Variants in FAM13A observed in about 807,000 individuals in gnomAD.
The protein encoded by FAM13A is protein FAM13A.
FAM13A carries 76 observed loss-of-function variants against 129.6 expected under a neutral mutation model. That is an observed-to-expected ratio of 0.59 (90% CI 0.49 to 0.71). The LOEUF (loss-of-function observed/expected upper bound fraction) is 0.71, where lower values mean the gene tolerates loss of function less well. Among genes scored for constraint, FAM13A ranks in the 30% least tolerant of loss-of-function variants. FAM13A has a pLI of 0.00. For missense variants in FAM13A, 1,108 were observed against 1,249.3 expected, an observed-to-expected ratio of 0.89 and a Z score of 1.70; for synonymous variants, 443 against 449.9, an observed-to-expected ratio of 0.98 and a Z score of 0.20.
chr4:88,922,997 C>A (rs1003332338), intron 5 of FAM13A, among the ~76,000 whole-genome samples: 1 of 152,048 alleles, frequency 6.6e-6, no homozygotes, highest in African/African-American at 2.4e-5. Flanking sequence ...AAGACTAAAC[C>A]AGGAAGAAGT....
intron 5 of FAM13A, among the ~76,000 whole-genome samples, chr4:88,919,630 G>A (rs893375628): frequency 2.6e-5 from 4 of 152,208 alleles, no homozygotes; most frequent in East Asian, 1.9e-4. Context: ...CGCAGAAGAC[G>A]GGTGATTTCT....
At chr4:88,973,769 T>C (rs904826454) in intron 4 of FAM13A, among the ~76,000 whole-genome samples, 37 of 152,296 alleles carry the variant, frequency 2.4e-4, no homozygotes, top group African/African-American at 8.9e-4. Context: ...CCTTTAATAA[T>C]GTGATGTCAA....
chr4:88,736,136 G>A (rs1230387151), intron 21 of FAM13A, among the ~76,000 whole-genome samples: 1 of 152,026 alleles, frequency 6.6e-6, no homozygotes, highest in African/African-American at 2.4e-5. Flanking sequence ...TTAACATCAA[G>A]GCTTATTGTA....
chr4:88,779,696 C>G (rs576728791), intron 11 of FAM13A, among the ~76,000 whole-genome samples: 37 of 152,148 alleles, frequency 2.4e-4, no homozygotes, highest in Non-Finnish European at 4.6e-4. Context: ...ATCTTCCATC[C>G]CAGTGTTTTT....
At chr4:88,740,930 G>C (rs1334381459) in intron 19 of FAM13A, among the ~76,000 whole-genome samples, 2 of 152,066 alleles carry the variant, frequency 1.3e-5, no homozygotes, top group African/African-American at 4.8e-5. Context: ...AAACTAGAAG[G>C]GACCCAAATT....
At chr4:88,986,800 G>C (rs1452041137) in intron 4 of FAM13A, among the ~76,000 whole-genome samples, 1 of 152,162 alleles carries the variant, frequency 6.6e-6, no homozygotes, top group Non-Finnish European at 1.5e-5. Context: ...TGAAATCAAA[G>C]TTGTTAAGAA....
At chr4:88,972,299 CTTTTTTTTTT>C (rs57674045) in intron 4 of FAM13A, among the ~76,000 whole-genome samples, 15 of 137,652 alleles carry the variant, frequency 1.1e-4, no homozygotes, top group East Asian at 2.1e-4. Flanking sequence ...TTCTCCTTCA[CTTTTTTTTTT>C]TTTTTTTTTT....
intron 11 of FAM13A, among the ~76,000 whole-genome samples, chr4:88,778,538 G>A (rs1457045706): frequency 1.3e-5 from 2 of 152,160 alleles, no homozygotes; most frequent in African/African-American, 4.8e-5. Context: ...GAAGGGTACA[G>A]CCCGTGAGTC....
chr4:88,831,319 T>C (rs931126933), intron 7 of FAM13A, among the ~76,000 whole-genome samples: 3 of 152,336 alleles, frequency 2.0e-5, no homozygotes, highest in South Asian at 2.1e-4. Context: ...CTGCCTTAAA[T>C]TGTCCCCTTG....
At chr4:88,941,195 T>C (rs1467801725) in intron 4 of FAM13A, among the ~76,000 whole-genome samples, 3 of 152,180 alleles carry the variant, frequency 2.0e-5, no homozygotes, top group Non-Finnish European at 2.9e-5. Flanking sequence ...AAATCAAAAC[T>C]AAGTTGTTAT....
intron 7 of FAM13A, among the ~76,000 whole-genome samples, chr4:88,847,428 T>C (rs753989601): frequency 6.6e-5 from 10 of 152,084 alleles, no homozygotes; most frequent in Non-Finnish European, 1.5e-4. Context: ...AAGAAATGTA[T>C]AAATACAGCT....
At chr4:88,767,718 A>C in intron 12 of FAM13A, 123 bp from the exon 13 acceptor site, 2 of 791,558 alleles carry the variant, frequency 2.5e-6, no homozygotes, top group Non-Finnish European at 3.8e-6. Flanking sequence ...AAATACTTAT[A>C]AAATTCAAAA....
chr4:88,943,960 A>G (rs1159131459), intron 4 of FAM13A, among the ~76,000 whole-genome samples: 1 of 152,246 alleles, frequency 6.6e-6, no homozygotes, highest in Admixed American at 6.5e-5. Context: ...ATACTTCTGT[A>G]AACAAAAATG....
At chr4:88,912,408 A>C (rs1402797096) in intron 5 of FAM13A, among the ~76,000 whole-genome samples, 1 of 152,148 alleles carries the variant, frequency 6.6e-6, no homozygotes, top group Admixed American at 6.6e-5. Flanking sequence ...TTGCACCATC[A>C]GCTTCCCAGC....
Position 88,747,788 on chromosome 4 carries a change from A to T in FAM13A, c.2225T>A (p.Leu742His). Residue 742 changes from leucine (L) to histidine (H), a missense_variant, in exon 18 of 24, where the codon CTC becomes CAC. Leu to His is a moderately conservative substitution (Grantham distance 99). Coordinates refer to ENST00000264344, the MANE Select transcript of FAM13A (RefSeq NM_014883.4). ...TPRMRQRSNT[L>H]PKSFGSQLEK... is the part of the protein sequence containing the mutation. ...AAGTTGGGAACCAAAACTCTTGGGG[A>T]GTGTGTTGCTTCGCTGCCGCATCCT... 1 of 1,614,136 alleles carries T rather than the reference A, an allele frequency of 6.2e-7. No homozygotes were observed. Among genetic ancestry groups the T allele is most frequent in the Non-Finnish European group, 8.5e-7 (1 of 1,180,012 alleles).
chr4:88,961,614 G>A (rs547892066), intron 4 of FAM13A, among the ~76,000 whole-genome samples: 5 of 152,018 alleles, frequency 3.3e-5, no homozygotes, highest in South Asian at 2.1e-4. Context: ...TGATCTGCCC[G>A]CCTCAGCCTC....
chr4:88,984,626 TA>T (rs1267885223), intron 4 of FAM13A, among the ~76,000 whole-genome samples: 14 of 152,250 alleles, frequency 9.2e-5, no homozygotes, highest in Admixed American at 2.6e-4. Flanking sequence ...AAAAAGATAT[TA>T]ACAAGGATGT....
At chr4:88,825,229 G>A (rs374803446) in intron 7 of FAM13A, among the ~76,000 whole-genome samples, 1 of 88,152 alleles carries the variant, frequency 1.1e-5, no homozygotes, top group African/African-American at 5.2e-5. Context: ...TTTTTTTTTG[G>A]GGGGGGGATG....
At chr4:88,781,856 G>T (rs868477640) in intron 10 of FAM13A, among the ~76,000 whole-genome samples, 7,955 of 146,576 alleles carry the variant, frequency 0.054, 301 homozygotes, top group Non-Finnish European at 0.063. Context: ...GGGGGGAGCG[G>T]GGAGGGATAG....
Sources: gnomAD v4.1 joint callset for allele counts (sites outside exome capture counted in the v4.1 genomes callset) on GRCh38, gnomAD v4.1.1 for gene constraint, MANE v1.5 for transcripts, NCBI Gene and HGNC (gene_info 2026-07-23, HGNC 2026-07-21) for gene names.